Variants in MACROD2 observed in about 807,000 individuals in gnomAD.
MACROD2 encodes the protein mono-ADP ribosylhydrolase 2.
A neutral mutation model predicts 70.4 loss-of-function variants in MACROD2; 36 were observed. The observed-to-expected ratio is 0.51, with a 90% CI of 0.39 to 0.68. The LOEUF (loss-of-function observed/expected upper bound fraction) is 0.68, where lower values mean the gene tolerates loss of function less well. Ranked by LOEUF, MACROD2 falls within the 30% of genes least tolerant of loss-of-function variation. MACROD2 has a pLI of 0.00. For synonymous variants in MACROD2, 172 were observed against 178.8 expected (o/e 0.96, Z 0.30); for missense variants, 496 against 538.4 (o/e 0.92, Z 0.78).
At chr20:14,532,471 T>G (rs1360648095) in intron 4 of MACROD2, among the ~76,000 whole-genome samples, 1 of 151,564 alleles carries the variant, frequency 6.6e-6, no homozygotes, top group Non-Finnish European at 1.5e-5. Context: ...GATCCGCACG[T>G]CTCAGCCTCC....
chr20:15,401,700 T>A lies in MACROD2; in HGVS notation c.541-29705T>A, dbSNP rs147166031. 5.8e-3 allele frequency among the ~76,000 whole-genome samples: 886 copies of A among 152,332 alleles called. 13 individuals carry two copies. The highest frequency in any genetic ancestry group is 0.021 in the African/African-American group (856 of 41,582). On this transcript the variant is annotated intron_variant, in intron 6 of 17. Coordinates refer to ENST00000684519, the MANE Select transcript of MACROD2 (RefSeq NM_001351661.2). ...AATAGCAATAGGGTTATAGTATACATGTTTGTTAATAAATTACCGAGCCTG... is the reference window on the plus strand; with the variant it reads ...AATAGCAATAGGGTTATAGTATACAAGTTTGTTAATAAATTACCGAGCCTG...
chr20:14,368,185 G>GTTTT (rs1344470528), intron 3 of MACROD2, among the ~76,000 whole-genome samples: 1 of 152,126 alleles, frequency 6.6e-6, no homozygotes, highest in Non-Finnish European at 1.5e-5. Context: ...CTCAAGTACA[G>GTTTT]TTTTTGTTAA....
chr20:14,098,783 A>G (rs1375181512), intron 3 of MACROD2, among the ~76,000 whole-genome samples: 2 of 152,224 alleles, frequency 1.3e-5, no homozygotes, highest in Non-Finnish European at 2.9e-5. Flanking sequence ...TACTTGATTC[A>G]GTTTGAAATT....
intron 5 of MACROD2, among the ~76,000 whole-genome samples, chr20:14,968,653 C>T (rs891520247): frequency 6.6e-6 from 1 of 152,146 alleles, no homozygotes; most frequent in African/African-American, 2.4e-5. Context: ...GGGGCTCCAC[C>T]CCCAGAGTTT....
chr20:15,490,540 C>G (rs916336647), intron 7 of MACROD2, among the ~76,000 whole-genome samples: 1 of 152,112 alleles, frequency 6.6e-6, no homozygotes, highest in African/African-American at 2.4e-5. Flanking sequence ...AGATTACAGG[C>G]ATGAACCACC....
At chr20:16,020,757 A>T (rs546652012) in intron 15 of MACROD2, among the ~76,000 whole-genome samples, 1,696 of 152,114 alleles carry the variant, frequency 0.011, 35 homozygotes, top group African/African-American at 0.039. Context: ...GCAGCCACGT[A>T]CAAGTGGGAT....
At chr20:15,034,703 A>G (rs751900496) in intron 5 of MACROD2, among the ~76,000 whole-genome samples, 4 of 152,250 alleles carry the variant, frequency 2.6e-5, no homozygotes, top group African/African-American at 7.2e-5. Context: ...TCATAGGCAC[A>G]TAATTAATGA....
chr20:14,667,766 A>T (rs2070751299), intron 4 of MACROD2, among the ~76,000 whole-genome samples: 1 of 152,158 alleles, frequency 6.6e-6, no homozygotes, highest in African/African-American at 2.4e-5. Flanking sequence ...AACTTTCTTT[A>T]TGGACACAGA....
intron 4 of MACROD2, among the ~76,000 whole-genome samples, chr20:14,504,074 C>T (rs921189638): frequency 6.6e-6 from 1 of 152,182 alleles, no homozygotes; most frequent in African/African-American, 2.4e-5. Context: ...AACTATCTCT[C>T]TTTCCTCTAA....
At chr20:15,490,233 C>CTCCCT (rs199942986) in intron 7 of MACROD2, among the ~76,000 whole-genome samples, 17,697 of 114,106 alleles carry the variant, frequency 0.16, 1,464 homozygotes, top group South Asian at 0.32. Flanking sequence ...CCCTTCCTTC[C>CTCCCT]TCCCTTCCCT....
intron 5 of MACROD2, among the ~76,000 whole-genome samples, chr20:14,974,032 G>A (rs1424359970): frequency 6.6e-6 from 1 of 152,166 alleles, no homozygotes; most frequent in Non-Finnish European, 1.5e-5. Context: ...GAAGAAATTG[G>A]ACCTGGAAGA....
intron 5 of MACROD2, among the ~76,000 whole-genome samples, chr20:14,877,817 T>G (rs2073567005): frequency 6.6e-6 from 1 of 152,162 alleles, no homozygotes; most frequent in Non-Finnish European, 1.5e-5. Flanking sequence ...CTCCCTGGAA[T>G]AAAGCCCATT....
intron 8 of MACROD2, among the ~76,000 whole-genome samples, chr20:15,654,462 C>G (rs1413615243): frequency 1.3e-5 from 2 of 152,220 alleles, no homozygotes; most frequent in East Asian, 1.9e-4. Flanking sequence ...GTAATTGCGG[C>G]TTTTGCCATT....
chr20:14,994,359 A>C (rs553521025), intron 5 of MACROD2, among the ~76,000 whole-genome samples: 2 of 152,266 alleles, frequency 1.3e-5, no homozygotes, highest in South Asian at 4.2e-4. Context: ...ACGCTCTGGA[A>C]GGAAAGAGTG....
chr20:14,754,452 A>G (rs141637017), intron 5 of MACROD2, among the ~76,000 whole-genome samples: 82 of 152,242 alleles, frequency 5.4e-4, no homozygotes, highest in African/African-American at 1.1e-3. Context: ...AGATAGTTGT[A>G]TCTGTGTCAA....
chr20:15,658,692 T>C (rs377636920), intron 8 of MACROD2, among the ~76,000 whole-genome samples: 8 of 152,220 alleles, frequency 5.3e-5, no homozygotes, highest in Non-Finnish European at 1.2e-4. Context: ...TTACATGATC[T>C]GATTTCCAAA....
chr20:15,234,310 G>T (rs1375279211), intron 6 of MACROD2, among the ~76,000 whole-genome samples: 1 of 151,220 alleles, frequency 6.6e-6, no homozygotes, highest in Non-Finnish European at 1.5e-5. Context: ...GGGATTACAA[G>T]CGTGAGCCAC....
intron 6 of MACROD2, among the ~76,000 whole-genome samples, chr20:15,386,498 ATGATTTC>A (rs2045714682): frequency 6.6e-6 from 1 of 152,236 alleles, no homozygotes; most frequent in South Asian, 2.1e-4. Context: ...AAATTTCATT[ATGATTTC>A]AATGGAAGTC....
chr20:14,401,085 G>A (rs913021283), intron 3 of MACROD2, among the ~76,000 whole-genome samples: 2 of 152,144 alleles, frequency 1.3e-5, no homozygotes, highest in African/African-American at 2.4e-5. Flanking sequence ...ACTAATTTTC[G>A]TGTTCTTCAA....
Sources: gnomAD v4.1 joint callset for allele counts (sites outside exome capture counted in the v4.1 genomes callset) on GRCh38, gnomAD v4.1.1 for gene constraint, MANE v1.5 for transcripts, NCBI Gene and HGNC (gene_info 2026-07-23, HGNC 2026-07-21) for gene names.